MSANTD2: variants seen among roughly 807,000 people sequenced by gnomAD.
The protein encoded by MSANTD2 is myb/SANT-like DNA-binding domain-containing protein 2.
Under a neutral mutation model 52.6 loss-of-function variants are expected in MSANTD2, and 19 were observed. The ratio of observed to expected loss-of-function variants is 0.36; its 90% CI spans 0.25 to 0.53. The LOEUF (loss-of-function observed/expected upper bound fraction) is 0.53. MSANTD2 is among the 20% of genes least tolerant of loss of function. The pLI is 0.91. For missense variants in MSANTD2, 558 were observed against 716.3 expected, an observed-to-expected ratio of 0.78 and a Z score of 2.52; for synonymous variants, 291 against 289.7, an observed-to-expected ratio of 1.00 and a Z score of -0.04.
chr11:124,790,735 C>G (rs556841415), intron 1 of MSANTD2: 3 of 153,354 alleles, frequency 2.0e-5, no homozygotes, highest in African/African-American at 7.2e-5. Flanking sequence ...AAAGTCCAAA[C>G]GCCTTAGCGT....
At chr11:124,770,678 T>C (rs185121685) in intron 3 of MSANTD2, among the ~76,000 whole-genome samples, 19 of 152,148 alleles carry the variant, frequency 1.2e-4, no homozygotes, top group African/African-American at 4.1e-4. Context: ...CCATCTCGGC[T>C]CACTGCAACC....
intron 3 of MSANTD2, among the ~76,000 whole-genome samples, chr11:124,771,568 G>A (rs1401090596): frequency 6.6e-6 from 1 of 152,172 alleles, no homozygotes; most frequent in Admixed American, 6.5e-5. Context: ...TCAGGAGTTC[G>A]AGATCAACCT....
At chr11:124,787,769 T>C (rs144894182) in intron 1 of MSANTD2, among the ~76,000 whole-genome samples, 1 of 152,324 alleles carries the variant, frequency 6.6e-6, no homozygotes, top group East Asian at 1.9e-4. Context: ...TATACTGCCA[T>C]AGCTTCTTTG....
chr11:124,768,075 G>T (rs372776517), intron 3 of MSANTD2, 47 bp from the exon 4 acceptor site: 1 of 1,534,094 alleles, frequency 6.5e-7, no homozygotes, highest in South Asian at 1.3e-5. Flanking sequence ...CTAGAACAGC[G>T]GTGTCAGATA....
chr11:124,784,486 C>G (rs867108265), intron 1 of MSANTD2: 17 of 983,978 alleles, frequency 1.7e-5, no homozygotes, highest in East Asian at 2.3e-4. Context: ...AATTAAACCC[C>G]CCCCCCGCCA....
At chr11:124,791,411 T>C in intron 1 of MSANTD2, 3 of 1,331,722 alleles carry the variant, frequency 2.3e-6, no homozygotes, top group South Asian at 1.2e-5. Flanking sequence ...TAGAACTCAG[T>C]GTACAGGGTG....
intron 3 of MSANTD2, among the ~76,000 whole-genome samples, chr11:124,769,150 G>A (rs1259486754): frequency 6.6e-6 from 1 of 152,194 alleles, no homozygotes; most frequent in Non-Finnish European, 1.5e-5. Context: ...TTCCTGCTAC[G>A]TTCTCATACC....
chr11:124,790,857 T>G, intron 1 of MSANTD2: 1 of 207,584 alleles, frequency 4.8e-6, no homozygotes, highest in Non-Finnish European at 9.7e-6. Context: ...CTATGTAATA[T>G]AATTTCACCA....
chr11:124,767,290 G>A lies in MSANTD2; in HGVS notation c.1566C>T (p.Ser522=), dbSNP rs148083020. 16 of 1,614,004 alleles carry A rather than the reference G, an allele frequency of 9.9e-6. No individual in the cohort carries two copies. The highest frequency in any genetic ancestry group is 1.3e-5 in the African/African-American group (1 of 74,906). Reference sequence around the variant, plus strand: ...CAAATTTGATGTAGATGGATTTGGGGGAAACTCCGGGATCCACAATACAGT... The same window carrying A: ...CAAATTTGATGTAGATGGATTTGGGAGAAACTCCGGGATCCACAATACAGT... ...SQNCIVDPGV[S]PKSIYIKFVE... is the part of the protein sequence containing the mutation. The change falls in exon 4 of 4, where the codon TCC becomes TCT. Residue 522 remains serine, a synonymous_variant. Coordinates refer to ENST00000374979, the MANE Select transcript of MSANTD2 (RefSeq NM_001308027.2). The surrounding 1 kb of genome is among the most constrained non-coding windows in gnomAD (Gnocchi z 6.5).
At position 124,784,014 on chromosome 11, in the gene MSANTD2, G is replaced by A. The variant is rs1395749127; in HGVS notation, c.511-9040C>T. On this transcript the variant is annotated intron_variant, in intron 1 of 3. Coordinates refer to ENST00000374979, the MANE Select transcript of MSANTD2 (RefSeq NM_001308027.2). Reference sequence around the variant, plus strand: ...CCTTCAAGACAAGGAATTCTCAAGTGCTTTTCTATTTACAAGAATACAGGT... The same window carrying A: ...CCTTCAAGACAAGGAATTCTCAAGTACTTTTCTATTTACAAGAATACAGGT... 1.2e-5 allele frequency: 12 copies of A among 985,136 alleles called. No individual in the cohort carries two copies. In the Admixed American group the frequency reaches 2.5e-4, roughly 20 times the overall value. 61.0% of individuals were successfully genotyped at this position (985,136 alleles called of 1,614,324 possible). A position where few individuals can be genotyped will look rare whatever the true frequency, so the allele number is the denominator to read the frequency against.
intron 1 of MSANTD2, among the ~76,000 whole-genome samples, chr11:124,793,788 G>C (rs1945406457): frequency 7.3e-6 from 1 of 137,180 alleles, no homozygotes; most frequent in South Asian, 2.5e-4. Flanking sequence ...CTCCTGGAAT[G>C]GCAGGCCATT....
rs74535421 is a variant in MSANTD2 at position 124,772,087 on chromosome 11, C to T, written c.827+907G>A. Among the ~76,000 whole-genome samples the T allele has an allele frequency of 7.9e-3, 1,203 of 152,268 alleles. 5 individuals carry two copies. The highest frequency in any genetic ancestry group is 0.013 in the Non-Finnish European group (896 of 68,026). ...CTTGCACAAAAGATAATGCTAAACTCGGGGAAGATCAAATTGTATGGACCA... is the reference window on the plus strand; with the variant it reads ...CTTGCACAAAAGATAATGCTAAACTTGGGGAAGATCAAATTGTATGGACCA... On this transcript the variant is annotated intron_variant, in intron 3 of 3. Coordinates refer to ENST00000374979, the MANE Select transcript of MSANTD2 (RefSeq NM_001308027.2).
intron 3 of MSANTD2, among the ~76,000 whole-genome samples, chr11:124,771,221 T>C (rs1944508411): frequency 6.6e-6 from 1 of 152,220 alleles, no homozygotes; most frequent in African/African-American, 2.4e-5. Context: ...TACACTTTGA[T>C]GTCACACTCC....
chr11:124,776,577 G>A (rs1394835571), intron 1 of MSANTD2, among the ~76,000 whole-genome samples: 1 of 152,214 alleles, frequency 6.6e-6, no homozygotes, highest in Non-Finnish European at 1.5e-5. Flanking sequence ...GATTACAGGC[G>A]TGAGCCACCA....
chr11:124,767,991 C>T lies in MSANTD2; in HGVS notation c.865G>A (p.Glu289Lys). The change falls in exon 4 of 4, where the codon GAA becomes AAA. Residue 289 changes from glutamate to lysine, a missense_variant. By Grantham distance (56) the Glu-to-Lys change is moderately conservative (BLOSUM62 1). This residue lies in a region of MSANTD2 where 408 missense variants were observed against 573.6 expected (regional missense o/e 0.71). Coordinates refer to ENST00000374979, the MANE Select transcript of MSANTD2 (RefSeq NM_001308027.2). The surrounding 1 kb of genome is among the most constrained non-coding windows in gnomAD (Gnocchi z 6.5). ...DIMQNIVQILESVQLKWELFQ... is the reference protein window; with the variant it reads ...DIMQNIVQILKSVQLKWELFQ... ...AGTTCCCATTTCAACTGTACCGATT[C>T]CAAAATCTGTACAATATTCTGCATG... 3 of 1,612,534 alleles carry T rather than the reference C, an allele frequency of 1.9e-6. No individual in the cohort carries two copies. The highest frequency in any genetic ancestry group is 2.5e-6 in the Non-Finnish European group (3 of 1,178,930).
chr11:124,783,924 A>G (rs1565460837), intron 1 of MSANTD2: 6 of 985,404 alleles, frequency 6.1e-6, no homozygotes, highest in East Asian at 1.1e-4. Flanking sequence ...ATGAGCAGTA[A>G]TACTTGTAAA....
Position 124,774,655 on chromosome 11 carries a change from T to TG in MSANTD2, c.766+63dup, listed in dbSNP as rs1944668026. The TG allele has an allele frequency of 6.7e-7, 1 of 1,494,304 alleles. No individual in the cohort carries two copies. The highest frequency in any genetic ancestry group is 1.4e-5 in the African/African-American group (1 of 72,500). The allele number at this position is 1,494,304 out of a possible 1,614,324, so 92.6% of individuals were successfully genotyped here. On this transcript the variant is annotated intron_variant, in intron 2 of 3. Coordinates refer to ENST00000374979, the MANE Select transcript of MSANTD2 (RefSeq NM_001308027.2). This position sits in a 1 kb window ranked among gnomAD's most constrained non-coding sequence, Gnocchi z 5.1. ...GATATTTACAGGTAATAAGTACTGG[T>TG]GCACATACATAAAGGTATATAAATA...
At position 124,770,725 on chromosome 11, in the gene MSANTD2, C is replaced by T. The variant is rs1565449867; in HGVS notation, c.827+2269G>A. ...GGTTCAAGCAATTCTTGTGCCTCAGCCTCCCGAGTAGCTGGGATTACAGGT... is the reference window on the plus strand; with the variant it reads ...GGTTCAAGCAATTCTTGTGCCTCAGTCTCCCGAGTAGCTGGGATTACAGGT... On this transcript the variant is annotated intron_variant, in intron 3 of 3. Transcript: ENST00000374979. Among the ~76,000 whole-genome samples the T allele has an allele frequency of 1.3e-5, 2 of 152,068 alleles. 1 individual carries two copies. Among genetic ancestry groups the T allele is most frequent in the South Asian group, 4.2e-4 (2 of 4,818 alleles).
chr11:124,794,999 C>T (rs1166533509), intron 1 of MSANTD2, among the ~76,000 whole-genome samples: 2 of 152,154 alleles, frequency 1.3e-5, no homozygotes, highest in Non-Finnish European at 2.9e-5. Context: ...CCGCTTCAGC[C>T]TCCTGAGGAG....
Sources: allele counts gnomAD v4.1 joint callset (sites outside exome capture counted in the v4.1 genomes callset), GRCh38; gene constraint gnomAD v4.1.1; regional missense constraint gnomAD v4.1.1; non-coding constraint Gnocchi (gnomAD v3.1); transcripts MANE v1.5; gene names NCBI Gene and HGNC (gene_info 2026-07-23, HGNC 2026-07-21).